The following EYA4 variants were observed in gnomAD, a reference collection of about 807,000 sequenced individuals.
The protein encoded by EYA4 is protein phosphatase EYA4.
In EYA4, 31 loss-of-function variants were observed where a neutral mutation model predicts 87.9. The ratio of observed to expected loss-of-function variants is 0.35; its 90% CI spans 0.27 to 0.48. The LOEUF (loss-of-function observed/expected upper bound fraction) is 0.48, where lower values mean the gene tolerates loss of function less well. Among genes scored for constraint, EYA4 ranks in the 20% least tolerant of loss-of-function variants. The probability of loss-of-function intolerance (pLI) is 0.99; values close to 1 mark genes in which losing one functional copy is unlikely to be tolerated. For synonymous variants in EYA4, 263 were observed against 270.6 expected, an observed-to-expected ratio of 0.97 and a Z score of 0.28; for missense variants, 678 against 761.4, an observed-to-expected ratio of 0.89 and a Z score of 1.29.
rs1296830181 is a variant in EYA4 at position 133,286,572 on chromosome 6, A to G, written c.33+11759A>G. 2.6e-5 allele frequency among the ~76,000 whole-genome samples: 4 copies of G among 151,220 alleles called. No individual in the cohort carries two copies. The East Asian group carries it at 7.7e-4, about 29-fold the overall frequency. On this transcript the variant is annotated intron_variant, in intron 2 of 19. Coordinates refer to ENST00000355286, the MANE Select transcript of EYA4 (RefSeq NM_004100.5). ...AGACTGTATGTGGCCACATTCAGTG[A>G]ATTTTCCTCCGAGGTGCTTCTTTCC...
At chr6:133,304,055 T>C (rs1375448206) in intron 2 of EYA4, among the ~76,000 whole-genome samples, 1 of 152,204 alleles carries the variant, frequency 6.6e-6, no homozygotes, top group East Asian at 1.9e-4. Context: ...ATGGAATGAA[T>C]GGATAGATAT....
chr6:133,417,766 T>G (rs915972179), intron 3 of EYA4, among the ~76,000 whole-genome samples: 39 of 152,188 alleles, frequency 2.6e-4, no homozygotes, highest in African/African-American at 8.9e-4. Context: ...TCCCTTTACA[T>G]AGAAATAAGG....
At chr6:133,304,897 A>C (rs1779690805) in intron 2 of EYA4, among the ~76,000 whole-genome samples, 1 of 152,186 alleles carries the variant, frequency 6.6e-6, no homozygotes, top group African/African-American at 2.4e-5. Context: ...GTGGTGAGAT[A>C]GATAAGAAAT....
At chr6:133,499,136 T>C (rs1465476702) in intron 13 of EYA4, among the ~76,000 whole-genome samples, 1 of 152,196 alleles carries the variant, frequency 6.6e-6, no homozygotes, top group East Asian at 1.9e-4. Context: ...TCTCAGTTGA[T>C]GATCATTTAA....
At chr6:133,500,974 T>G (rs1210864603) in intron 13 of EYA4, among the ~76,000 whole-genome samples, 2 of 152,184 alleles carry the variant, frequency 1.3e-5, no homozygotes, top group African/African-American at 4.8e-5. Flanking sequence ...CTCACATACA[T>G]TCAGTGGAGC....
At chr6:133,272,370 C>T (rs769666894) in intron 1 of EYA4, among the ~76,000 whole-genome samples, 1 of 152,210 alleles carries the variant, frequency 6.6e-6, no homozygotes, top group Admixed American at 6.5e-5. Context: ...CATGAACTTA[C>T]TTGTGCCTTC....
intron 2 of EYA4, among the ~76,000 whole-genome samples, chr6:133,319,751 CTG>C (rs1222485397): frequency 6.8e-6 from 1 of 147,442 alleles, no homozygotes; most frequent in East Asian, 2.0e-4. Flanking sequence ...TTGCTTCACT[CTG>C]TCACTCAGGC....
chr6:133,465,308 C>T (rs1794750994), intron 10 of EYA4, among the ~76,000 whole-genome samples: 1 of 152,058 alleles, frequency 6.6e-6, no homozygotes, highest in Non-Finnish European at 1.5e-5. Flanking sequence ...TGTTACTAAA[C>T]AAAATGCCTC....
intron 2 of EYA4, among the ~76,000 whole-genome samples, chr6:133,324,909 T>TA (rs1781378140): frequency 7.2e-6 from 1 of 139,168 alleles, no homozygotes; most frequent in Admixed American, 7.1e-5. Flanking sequence ...AAGCTATTTT[T>TA]TTTTTTTTTT....
Position 133,329,387 on chromosome 6 carries a change from G to A in EYA4, c.34-53005G>A, listed in dbSNP as rs369543412. On this transcript the variant is annotated intron_variant, in intron 2 of 19. Transcript: ENST00000355286. ...AGAGGAATAAAGAAGAAATGATAAT[G>A]TGTAACCTCTCATGAAAGAGATGAA... Among the ~76,000 whole-genome samples the A allele has an allele frequency of 4.6e-5, 7 of 152,178 alleles. 1 individual carries two copies. Among genetic ancestry groups the A allele is most frequent in the Non-Finnish European group, 1.5e-5 (1 of 67,926 alleles).
rs528659366 is a variant in EYA4 at position 133,373,309 on chromosome 6, T to G, written c.34-9083T>G. On this transcript the variant is annotated intron_variant, in intron 2 of 19. Transcript: ENST00000355286. ...TAAATGGGTGAGTTTTTCTTAACCT[T>G]GTGGCCAAAACATTCCAATATCTTT... Among the ~76,000 whole-genome samples the G allele has an allele frequency of 5.3e-5, 8 of 152,160 alleles. No individual in the cohort carries two copies. In the South Asian group the frequency reaches 1.7e-3, roughly 32 times the overall value.
intron 13 of EYA4, among the ~76,000 whole-genome samples, chr6:133,503,043 G>A (rs924604316): frequency 1.3e-5 from 2 of 152,174 alleles, no homozygotes; most frequent in African/African-American, 4.8e-5. Context: ...CCAGTGCCGT[G>A]GGGTTGCATT....
intron 2 of EYA4, among the ~76,000 whole-genome samples, chr6:133,323,073 C>CATGTGT (rs1554226113): frequency 4.7e-5 from 7 of 149,180 alleles, no homozygotes; most frequent in Admixed American, 1.3e-4. Flanking sequence ...GTATAAAATC[C>CATGTGT]GTGTGTGTGT....
Position 133,356,057 on chromosome 6 carries a change from A to AAG in EYA4, c.34-26313_34-26312dup, listed in dbSNP as rs35204258. On this transcript the variant is annotated intron_variant, in intron 2 of 19. Coordinates refer to ENST00000355286, the MANE Select transcript of EYA4 (RefSeq NM_004100.5). ...AGAGAGAGAAAGAGAGAAAGAGAGA[A>AAG]AGAGAGAGAGAGAGAGAGAGAGAAA... Among the ~76,000 whole-genome samples, 235 of 135,708 alleles carry AAG rather than the reference A, an allele frequency of 1.7e-3. 1 individual carries two copies. Among genetic ancestry groups the AAG allele is most frequent in the Middle Eastern group, 3.7e-3 (1 of 268 alleles). 89.0% of individuals were successfully genotyped at this position (135,708 alleles called of 152,430 possible).
intron 3 of EYA4, among the ~76,000 whole-genome samples, chr6:133,412,464 G>A (rs1583210338): frequency 1.3e-5 from 2 of 152,084 alleles, no homozygotes; most frequent in Non-Finnish European, 1.5e-5. Flanking sequence ...TTTCAACACT[G>A]TAGATCAATA....
intron 2 of EYA4, among the ~76,000 whole-genome samples, chr6:133,357,364 A>G (rs1784147695): frequency 6.6e-6 from 1 of 152,060 alleles, no homozygotes; most frequent in South Asian, 2.1e-4. Context: ...TAGCAAAGAA[A>G]AGGGGGGACC....
At chr6:133,524,623 C>CT (rs923742503) in intron 18 of EYA4, among the ~76,000 whole-genome samples, 8 of 152,224 alleles carry the variant, frequency 5.3e-5, no homozygotes, top group African/African-American at 1.4e-4. Flanking sequence ...AGTATTTCCT[C>CT]TTTTTTTAGC....
intron 2 of EYA4, among the ~76,000 whole-genome samples, chr6:133,315,041 GAGAAAACCACA>G (rs1780518830): frequency 6.6e-6 from 1 of 152,146 alleles, no homozygotes; most frequent in Admixed American, 6.6e-5. Context: ...GCTACCCTCA[GAGAAAACCACA>G]TGTCTAAGCT....
At chr6:133,468,492 A>G (rs1160660086) in intron 10 of EYA4, 74 bp from the exon 11 acceptor site, 1 of 1,219,590 alleles carries the variant, frequency 8.2e-7, no homozygotes, top group Non-Finnish European at 1.2e-6. Flanking sequence ...AGTTACCATA[A>G]TGACTGGTTT....
Sources: allele counts gnomAD v4.1 joint callset (sites outside exome capture counted in the v4.1 genomes callset), GRCh38; gene constraint gnomAD v4.1.1; transcripts MANE v1.5; gene names NCBI Gene and HGNC (gene_info 2026-07-23, HGNC 2026-07-21).